GALNT1: variants seen among roughly 807,000 people sequenced by gnomAD.
The protein encoded by GALNT1 is polypeptide N-acetylgalactosaminyltransferase 1.
GALNT1 carries 17 observed loss-of-function variants against 65.7 expected under a neutral mutation model. That is an observed-to-expected ratio of 0.26 (90% CI 0.18 to 0.39). The LOEUF (loss-of-function observed/expected upper bound fraction) is 0.39, where lower values mean the gene tolerates loss of function less well. GALNT1 is among the 10% of genes least tolerant of loss of function. The probability of loss-of-function intolerance (pLI) is 1.00; values close to 1 mark genes in which losing one functional copy is unlikely to be tolerated. For missense variants in GALNT1, 460 were observed against 672.8 expected (o/e 0.68, Z 3.50); for synonymous variants, 210 against 219.7 (o/e 0.96, Z 0.39).
At chr18:35,700,374 A>G (rs1193691017) in intron 9 of GALNT1, among the ~76,000 whole-genome samples, 5 of 152,106 alleles carry the variant, frequency 3.3e-5, no homozygotes, top group African/African-American at 7.2e-5. Flanking sequence ...TCCCCTTTAC[A>G]TCAGAGGAGT....
intron 11 of GALNT1, among the ~76,000 whole-genome samples, chr18:35,703,909 T>C (rs2144748466): frequency 6.6e-6 from 1 of 152,360 alleles, no homozygotes; most frequent in Middle Eastern, 3.4e-3. Context: ...TCTGTATGTC[T>C]TCAAGTTCTA....
At chr18:35,644,211 A>G (rs969316621) in intron 1 of GALNT1, among the ~76,000 whole-genome samples, 6 of 152,228 alleles carry the variant, frequency 3.9e-5, no homozygotes, top group African/African-American at 7.2e-5. Flanking sequence ...GTGGACATCA[A>G]TCTGGGCAGG....
At chr18:35,682,407 A>C (rs1477838525) in intron 4 of GALNT1, among the ~76,000 whole-genome samples, 1 of 152,136 alleles carries the variant, frequency 6.6e-6, no homozygotes, top group African/African-American at 2.4e-5. Flanking sequence ...ATATGAGGAT[A>C]ATCTCTCTAG....
At position 35,709,746 on chromosome 18, in the gene GALNT1, C is replaced by G. The variant is rs768559745; in HGVS notation, c.1656C>G (p.Asn552Lys). 2 of 1,613,982 alleles carry G rather than the reference C, an allele frequency of 1.2e-6. No individual in the cohort carries two copies. Among genetic ancestry groups the G allele is most frequent in the Admixed American group, 3.3e-5 (2 of 59,986 alleles). ...GGTCCCAGCAGTGGCTTCTTCGAAA[C>G]GTCACCCTGCCAGAAATATTCTGAG... ...GSRSQQWLLR[N>K]VTLPEIF is the part of the protein sequence containing the mutation. Residue 552 changes from asparagine to lysine, a missense_variant, in exon 12 of 12, where the codon AAC (asparagine) becomes AAG (lysine). Physicochemically the swap from Asn to Lys is moderately conservative, Grantham distance 94. Coordinates refer to ENST00000269195, the MANE Select transcript of GALNT1 (RefSeq NM_020474.4).
At chr18:35,625,656 G>C (rs1568018027) in intron 1 of GALNT1, among the ~76,000 whole-genome samples, 1 of 152,118 alleles carries the variant, frequency 6.6e-6, no homozygotes, top group East Asian at 1.9e-4. Context: ...GAAAATCTTA[G>C]AGATTTGGGG....
chr18:35,651,147 C>A (rs796770389), intron 1 of GALNT1, among the ~76,000 whole-genome samples: 9 of 152,214 alleles, frequency 5.9e-5, no homozygotes, highest in African/African-American at 2.2e-4. Flanking sequence ...TCTTTTGTTT[C>A]CTGAACCTTA....
intron 3 of GALNT1, among the ~76,000 whole-genome samples, chr18:35,671,089 T>C (rs2047627974): frequency 6.6e-6 from 1 of 152,132 alleles, no homozygotes; most frequent in Non-Finnish European, 1.5e-5. Context: ...GGTGTATTTG[T>C]ACTAGATGGC....
At chr18:35,592,854 C>A (rs1423724261) in intron 1 of GALNT1, among the ~76,000 whole-genome samples, 1 of 152,186 alleles carries the variant, frequency 6.6e-6, no homozygotes. Flanking sequence ...TCATATGTAT[C>A]ATGTTACCCC....
At position 35,687,064 on chromosome 18, in the gene GALNT1, T is replaced by C. The variant is rs1192109861; in HGVS notation, c.738T>C (p.Phe246=). 1.9e-6 allele frequency: 3 copies of C among 1,613,824 alleles called. No homozygotes were observed. Among genetic ancestry groups the C allele is most frequent in the Non-Finnish European group, 2.5e-6 (3 of 1,179,878 alleles). ...TCGATGTGATCAGTGATGATACTTT[T>C]GAGTACATGGCAGGCTCTGATATGA... ...PIIDVISDDT[F]EYMAGSDMTY... is the part of the protein sequence containing the mutation. Residue 246 remains phenylalanine, a synonymous_variant, in exon 6 of 12, where the codon TTT becomes TTC. Coordinates refer to ENST00000269195, the MANE Select transcript of GALNT1 (RefSeq NM_020474.4).
intron 4 of GALNT1, among the ~76,000 whole-genome samples, chr18:35,678,525 T>A (rs2047744056): frequency 6.6e-6 from 1 of 152,190 alleles, no homozygotes; most frequent in Admixed American, 6.5e-5. Context: ...CTCTGCTTAG[T>A]CCATCAGTAA....
intron 1 of GALNT1, among the ~76,000 whole-genome samples, chr18:35,602,241 A>G (rs2046591152): frequency 6.6e-6 from 1 of 152,036 alleles, no homozygotes; most frequent in Non-Finnish European, 1.5e-5. Flanking sequence ...GATGAATTAG[A>G]GCTCCTTTGC....
chr18:35,671,619 A>G (rs2047637531), intron 3 of GALNT1, among the ~76,000 whole-genome samples: 1 of 152,168 alleles, frequency 6.6e-6, no homozygotes, highest in Admixed American at 6.5e-5. Context: ...GACTTAATAA[A>G]TCTTGCTTTC....
At chr18:35,651,006 G>A (rs1056530629) in intron 1 of GALNT1, among the ~76,000 whole-genome samples, 3 of 152,126 alleles carry the variant, frequency 2.0e-5, no homozygotes, top group African/African-American at 7.2e-5. Flanking sequence ...GTAAAGACAG[G>A]CATAAGAAAT....
intron 11 of GALNT1, among the ~76,000 whole-genome samples, chr18:35,708,685 T>A (rs938403035): frequency 2.0e-5 from 3 of 152,220 alleles, no homozygotes; most frequent in Non-Finnish European, 4.4e-5. Context: ...ATCACAATCA[T>A]TGGTGTGGAT....
chr18:35,698,101 C>G (rs950347138), intron 9 of GALNT1, among the ~76,000 whole-genome samples: 17 of 152,220 alleles, frequency 1.1e-4, no homozygotes, highest in African/African-American at 4.1e-4. Context: ...TAGCTCCTCA[C>G]AAATGGTGGA....
chr18:35,677,162 G>T (rs2047722941), intron 3 of GALNT1, among the ~76,000 whole-genome samples: 1 of 152,160 alleles, frequency 6.6e-6, no homozygotes, highest in Non-Finnish European at 1.5e-5. Context: ...TACACGATAG[G>T]TACTCACTAA....
At chr18:35,673,621 A>G (rs2047665585) in intron 3 of GALNT1, among the ~76,000 whole-genome samples, 2 of 152,164 alleles carry the variant, frequency 1.3e-5, no homozygotes, top group Admixed American at 6.6e-5. Context: ...GGACTTTTTT[A>G]GAGATGGAGT....
chr18:35,701,439 T>A (rs938414863), intron 9 of GALNT1, among the ~76,000 whole-genome samples: 3 of 152,186 alleles, frequency 2.0e-5, no homozygotes, highest in Admixed American at 6.5e-5. Flanking sequence ...CCTACCAGGA[T>A]GAAGGAAGGT....
rs777020258 is a variant in GALNT1, at chr18:35,692,321, G to T, written c.1299+1G>T. ...ACGTCACTATTTCTCATTGGGAGAG[G>T]TAAGAAATATATATATATATATTCT... On this transcript the variant is annotated splice_donor_variant, in intron 9 of 11. Transcript: ENST00000269195. LOFTEE classifies it high-confidence loss of function. 1.3e-6 allele frequency: 2 copies of T among 1,537,522 alleles called. No individual in the cohort carries two copies. The highest frequency in any genetic ancestry group is 1.8e-6 in the Non-Finnish European group (2 of 1,123,128).
Sources: allele counts gnomAD v4.1 joint callset (sites outside exome capture counted in the v4.1 genomes callset), GRCh38; gene constraint gnomAD v4.1.1; transcripts MANE v1.5; gene names NCBI Gene and HGNC (gene_info 2026-07-23, HGNC 2026-07-21).